The following KCNJ16 variants were observed in gnomAD, a reference collection of about 807,000 sequenced individuals.
The protein encoded by KCNJ16 is inward rectifier potassium channel 16.
A neutral mutation model predicts 18.5 loss-of-function variants in KCNJ16; 15 were observed. The ratio of observed to expected loss-of-function variants is 0.81; its 90% CI spans 0.54 to 1.25. The LOEUF is 1.25. Among genes scored for constraint, KCNJ16 ranks in the 50% most tolerant of loss-of-function variants. KCNJ16 has a pLI of 0.00. For synonymous variants in KCNJ16, 174 were observed against 186.5 expected, an observed-to-expected ratio of 0.93 and a Z score of 0.55; for missense variants, 523 against 525.7, an observed-to-expected ratio of 0.99 and a Z score of 0.05.
intron 2 of KCNJ16, among the ~76,000 whole-genome samples, chr17:70,130,122 A>G (rs1314039443): frequency 6.6e-6 from 1 of 152,006 alleles, no homozygotes; most frequent in Non-Finnish European, 1.5e-5. Flanking sequence ...AATCATATGG[A>G]CCTTTGATTA....
intron 2 of KCNJ16, among the ~76,000 whole-genome samples, chr17:70,103,143 A>G: frequency 7.1e-6 from 1 of 140,810 alleles, no homozygotes; most frequent in Non-Finnish European, 1.5e-5. Context: ...TTATATGTGT[A>G]TATAATATAT....
intron 2 of KCNJ16, chr17:70,104,923 G>C (rs1394813681): frequency 1.3e-5 from 2 of 152,626 alleles, no homozygotes; most frequent in Non-Finnish European, 2.9e-5. Flanking sequence ...TTCTCCTGTG[G>C]GGTTTCTCAT....
chr17:70,123,255 T>C (rs999382144), intron 2 of KCNJ16, among the ~76,000 whole-genome samples: 3 of 111,240 alleles, frequency 2.7e-5, no homozygotes, highest in South Asian at 2.8e-4. Flanking sequence ...CTATGCACCT[T>C]TGAAAAGATA....
chr17:70,086,076 G>A (rs1415808766), intron 1 of KCNJ16, among the ~76,000 whole-genome samples: 5 of 151,990 alleles, frequency 3.3e-5, no homozygotes, highest in African/African-American at 1.2e-4. Context: ...AGCCCAATAG[G>A]CCTCGACAGG....
intron 2 of KCNJ16, among the ~76,000 whole-genome samples, chr17:70,126,797 T>C (rs1027749907): frequency 2.0e-5 from 3 of 152,248 alleles, no homozygotes; most frequent in East Asian, 3.8e-4. Flanking sequence ...TTATAATTTA[T>C]ATTGTTTTGG....
intron 2 of KCNJ16, among the ~76,000 whole-genome samples, chr17:70,129,929 TA>T (rs2073999548): frequency 6.6e-6 from 1 of 151,342 alleles, no homozygotes; most frequent in African/African-American, 2.4e-5. Context: ...TTTATTTATT[TA>T]TTTATTTATT....
At chr17:70,131,344 T>C (rs912232351) in intron 3 of KCNJ16, 257 of 1,065,544 alleles carry the variant, frequency 2.4e-4, no homozygotes, top group Non-Finnish European at 2.7e-4. Context: ...TTTTTTCTTT[T>C]CTTTCAAGAC....
At chr17:70,122,221 G>A (rs1161330658) in intron 2 of KCNJ16, among the ~76,000 whole-genome samples, 1 of 151,550 alleles carries the variant, frequency 6.6e-6, no homozygotes, top group Admixed American at 6.6e-5. Flanking sequence ...TACCCAGGCT[G>A]GAGTGCAGTA....
At chr17:70,126,923 T>C (rs1338869067) in intron 2 of KCNJ16, among the ~76,000 whole-genome samples, 1 of 152,216 alleles carries the variant, frequency 6.6e-6, no homozygotes, top group Non-Finnish European at 1.5e-5. Context: ...ATGTAGATAC[T>C]ACTTAAGGAA....
At chr17:70,076,014 G>A (rs920573025) in intron 1 of KCNJ16, among the ~76,000 whole-genome samples, 2 of 151,164 alleles carry the variant, frequency 1.3e-5, no homozygotes, top group Non-Finnish European at 2.9e-5. Flanking sequence ...TTTGTTTTGA[G>A]TATTTAGTCA....
intron 2 of KCNJ16, among the ~76,000 whole-genome samples, chr17:70,117,363 A>T (rs1177151524): frequency 6.6e-6 from 1 of 150,742 alleles, no homozygotes; most frequent in Non-Finnish European, 1.5e-5. Flanking sequence ...ACCAAACCTC[A>T]GCATCACACA....
chr17:70,081,060 A>G (rs2071531958), intron 1 of KCNJ16, among the ~76,000 whole-genome samples: 1 of 152,176 alleles, frequency 6.6e-6, no homozygotes. Flanking sequence ...CTATTTGTTT[A>G]TTTTATTGAG....
chr17:70,101,888 T>C (rs1361295293), intron 2 of KCNJ16: 1 of 152,210 alleles, frequency 6.6e-6, no homozygotes, highest in Non-Finnish European at 1.5e-5. Context: ...TTTTAGGACA[T>C]TTTAGTTAAC....
chr17:70,130,348 A>T (rs2074012837), intron 2 of KCNJ16, among the ~76,000 whole-genome samples: 1 of 152,204 alleles, frequency 6.6e-6, no homozygotes, highest in South Asian at 2.1e-4. Flanking sequence ...ACATCTTGAA[A>T]TTATACAATT....
At chr17:70,123,510 G>A (rs541068169) in intron 2 of KCNJ16, among the ~76,000 whole-genome samples, 9 of 152,294 alleles carry the variant, frequency 5.9e-5, no homozygotes, top group African/African-American at 1.9e-4. Context: ...GCTATCAGAG[G>A]AGAGAGATTT....
At chr17:70,082,585 C>T (rs2071601368) in intron 1 of KCNJ16, among the ~76,000 whole-genome samples, 1 of 152,098 alleles carries the variant, frequency 6.6e-6, no homozygotes, top group Admixed American at 6.5e-5. Flanking sequence ...TAGGTATTTC[C>T]AAGAAATGGA....
intron 1 of KCNJ16, among the ~76,000 whole-genome samples, chr17:70,100,237 A>G (rs1040311777): frequency 1.3e-5 from 2 of 152,230 alleles, no homozygotes; most frequent in Non-Finnish European, 1.5e-5. Context: ...TAAAAATTGT[A>G]TTCATTTCCT....
intron 1 of KCNJ16, among the ~76,000 whole-genome samples, chr17:70,100,052 C>T (rs1178468969): frequency 6.6e-6 from 1 of 152,152 alleles, no homozygotes; most frequent in Non-Finnish European, 1.5e-5. Flanking sequence ...ACTTCAGACA[C>T]TTCCTCTATA....
chr17:70,078,059 G>A (rs2071392569), intron 1 of KCNJ16, among the ~76,000 whole-genome samples: 1 of 152,078 alleles, frequency 6.6e-6, no homozygotes, highest in African/African-American at 2.4e-5. Flanking sequence ...CACAAGGGGT[G>A]GATGACTTTA....
Sources: gnomAD v4.1 joint callset for allele counts (sites outside exome capture counted in the v4.1 genomes callset) on GRCh38, gnomAD v4.1.1 for gene constraint, MANE v1.5 for transcripts, NCBI Gene and HGNC (gene_info 2026-07-23, HGNC 2026-07-21) for gene names.